The following CTNNA3 variants were observed in gnomAD, a reference collection of about 807,000 sequenced individuals.
CTNNA3 encodes catenin alpha-3.
A neutral mutation model predicts 95.7 loss-of-function variants in CTNNA3; 76 were observed. That is an observed-to-expected ratio of 0.79 (90% CI 0.66 to 0.96). The LOEUF is 0.96. CTNNA3 is among the 40% of genes least tolerant of loss of function. The pLI, the probability that CTNNA3 is intolerant of heterozygous loss-of-function variation, is 0.00. For synonymous variants in CTNNA3, 431 were observed against 374.4 expected (o/e 1.15, Z -1.74); for missense variants, 1,191 against 1,089.8 (o/e 1.09, Z -1.31).
At chr10:66,940,269 G>T (rs1322128021) in intron 7 of CTNNA3, among the ~76,000 whole-genome samples, 2 of 152,134 alleles carry the variant, frequency 1.3e-5, no homozygotes, top group East Asian at 1.9e-4. Context: ...GGAGGCCGAG[G>T]CAAGGAGGAT....
intron 5 of CTNNA3, among the ~76,000 whole-genome samples, chr10:67,469,815 G>T (rs920261779): frequency 6.6e-6 from 1 of 151,988 alleles, no homozygotes; most frequent in Non-Finnish European, 1.5e-5. Context: ...ATTTTTGTGG[G>T]TACATAGTAG....
At chr10:67,251,319 T>TG (rs1245286110) in intron 5 of CTNNA3, among the ~76,000 whole-genome samples, 1 of 152,128 alleles carries the variant, frequency 6.6e-6, no homozygotes, top group Non-Finnish European at 1.5e-5. Flanking sequence ...AGTGGTTATC[T>TG]GGGGGTTGGG....
At chr10:66,119,406 TACTC>T (rs1427998189) in intron 13 of CTNNA3, among the ~76,000 whole-genome samples, 1 of 152,218 alleles carries the variant, frequency 6.6e-6, no homozygotes, top group Non-Finnish European at 1.5e-5. Context: ...CTGTTCCTAT[TACTC>T]TCTCTCACTC....
intron 13 of CTNNA3, among the ~76,000 whole-genome samples, chr10:66,196,428 G>T (rs1200105556): frequency 6.6e-6 from 1 of 152,146 alleles, no homozygotes; most frequent in African/African-American, 2.4e-5. Context: ...AGACCCAACT[G>T]GTTGCTTGGC....
chr10:66,859,965 A>G (rs1269395288), intron 7 of CTNNA3, among the ~76,000 whole-genome samples: 2 of 124,588 alleles, frequency 1.6e-5, no homozygotes, highest in Non-Finnish European at 3.4e-5. Context: ...GAACTGAACA[A>G]TGAGAACACA....
chr10:66,380,625 C>CTATCTATATA (rs777137490), intron 11 of CTNNA3, among the ~76,000 whole-genome samples: 89 of 122,886 alleles, frequency 7.2e-4, no homozygotes, highest in Middle Eastern at 8.5e-3. Flanking sequence ...ATCTATCTAT[C>CTATCTATATA]TATATATATA....
At chr10:66,499,321 G>C (rs1029610577) in intron 11 of CTNNA3, among the ~76,000 whole-genome samples, 11 of 152,070 alleles carry the variant, frequency 7.2e-5, no homozygotes, top group Non-Finnish European at 2.9e-5. Flanking sequence ...TTCAGCTTTT[G>C]TTCATTATTT....
At chr10:66,930,678 G>T (rs868266907) in intron 7 of CTNNA3, among the ~76,000 whole-genome samples, 2 of 152,080 alleles carry the variant, frequency 1.3e-5, no homozygotes, top group African/African-American at 2.4e-5. Flanking sequence ...AAATATGCTT[G>T]CTGTATTGAA....
intron 6 of CTNNA3, among the ~76,000 whole-genome samples, chr10:67,202,555 C>G (rs531357324): frequency 1.3e-5 from 2 of 152,130 alleles, no homozygotes; most frequent in South Asian, 2.1e-4. Context: ...TTCGCAAGAC[C>G]AAACTAATAA....
intron 12 of CTNNA3, among the ~76,000 whole-genome samples, chr10:66,281,847 T>C (rs1011033889): frequency 3.3e-5 from 5 of 151,788 alleles, no homozygotes; most frequent in African/African-American, 9.7e-5. Context: ...TGCCAAAATG[T>C]ATCACTTATA....
At chr10:66,169,179 C>T (rs948610440) in intron 13 of CTNNA3, among the ~76,000 whole-genome samples, 1 of 152,168 alleles carries the variant, frequency 6.6e-6, no homozygotes, top group African/African-American at 2.4e-5. Context: ...TCACTCCCTT[C>T]CTTCCCTTTA....
chr10:67,413,256 CT>C (rs1229926370), intron 5 of CTNNA3, among the ~76,000 whole-genome samples: 1 of 152,142 alleles, frequency 6.6e-6, no homozygotes, highest in Non-Finnish European at 1.5e-5. Flanking sequence ...ATCATTCATT[CT>C]TCATGTTTCA....
chr10:66,885,933 C>A (rs2132479043), intron 7 of CTNNA3, among the ~76,000 whole-genome samples: 1 of 152,242 alleles, frequency 6.6e-6, no homozygotes, highest in East Asian at 1.9e-4. Context: ...GCCCAACCAA[C>A]TTTCTTCATT....
intron 6 of CTNNA3, among the ~76,000 whole-genome samples, chr10:67,218,206 T>C (rs560183260): frequency 1.2e-4 from 19 of 152,316 alleles, no homozygotes; most frequent in Admixed American, 4.6e-4. Context: ...CAAATTTCAA[T>C]GTATCACACT....
chr10:67,617,005 C>T (rs1448667405), intron 2 of CTNNA3, among the ~76,000 whole-genome samples: 1 of 152,102 alleles, frequency 6.6e-6, no homozygotes, highest in East Asian at 1.9e-4. Context: ...TCTCAGGAAA[C>T]CCAACCGTTA....
At chr10:66,589,744 C>G (rs1843482136) in intron 10 of CTNNA3, among the ~76,000 whole-genome samples, 1 of 152,048 alleles carries the variant, frequency 6.6e-6, no homozygotes, top group Non-Finnish European at 1.5e-5. Flanking sequence ...ATTTAACATG[C>G]TTTGACTCAT....
At chr10:67,051,290 C>T (rs1398738110) in intron 7 of CTNNA3, among the ~76,000 whole-genome samples, 1 of 152,082 alleles carries the variant, frequency 6.6e-6, no homozygotes, top group Non-Finnish European at 1.5e-5. Context: ...TTCTCTTACA[C>T]CTAACCTTAA....
chr10:65,920,108 A>C lies in CTNNA3; in HGVS notation c.*222T>G. On this transcript the variant is annotated 3_prime_UTR_variant, in exon 18 of 18. Transcript: ENST00000433211. ...GACACGTGATAATTTCATTCATTCA[A>C]CAAGCAAATATTCCTTAACTATTAG... The C allele has an allele frequency of 1.8e-6, 1 of 551,690 alleles. No homozygotes were observed. The highest frequency in any genetic ancestry group is 3.2e-6 in the Non-Finnish European group (1 of 311,236). 34.2% of individuals were successfully genotyped at this position (551,690 alleles called of 1,614,324 possible).
At chr10:66,632,161 A>G (rs1166762880) in intron 9 of CTNNA3, among the ~76,000 whole-genome samples, 3 of 152,158 alleles carry the variant, frequency 2.0e-5, no homozygotes, top group African/African-American at 2.4e-5. Context: ...TATCTCTCAT[A>G]AAATTTGTCT....
Sources: gnomAD v4.1 joint callset for allele counts (sites outside exome capture counted in the v4.1 genomes callset) on GRCh38, gnomAD v4.1.1 for gene constraint, MANE v1.5 for transcripts, NCBI Gene and HGNC (gene_info 2026-07-23, HGNC 2026-07-21) for gene names.